The following OPCML variants were observed in gnomAD, a reference collection of about 807,000 sequenced individuals.
OPCML encodes opioid-binding protein/cell adhesion molecule.
In OPCML, 13 loss-of-function variants were observed where a neutral mutation model predicts 37.8. The ratio of observed to expected loss-of-function variants is 0.34; its 90% CI spans 0.22 to 0.55. OPCML has a LOEUF of 0.55. Among genes scored for constraint, OPCML ranks in the 20% least tolerant of loss-of-function variants. The pLI is 0.91. For synonymous variants in OPCML, 176 were observed against 168.8 expected (o/e 1.04, Z -0.33); for missense variants, 341 against 435.6 (o/e 0.78, Z 1.93).
chr11:132,589,221 C>A (rs1186086635), intron 3 of OPCML, among the ~76,000 whole-genome samples: 2 of 151,960 alleles, frequency 1.3e-5, no homozygotes, highest in African/African-American at 4.8e-5. Context: ...TGTTTTATAC[C>A]AAAACTCCCA....
chr11:133,022,485 T>G (rs1431158210), intron 1 of OPCML, among the ~76,000 whole-genome samples: 1 of 140,690 alleles, frequency 7.1e-6, no homozygotes, highest in African/African-American at 2.6e-5. Context: ...CCAATAGGTG[T>G]TTTTTTTTTT....
intron 4 of OPCML, among the ~76,000 whole-genome samples, chr11:132,484,695 T>G (rs2096193582): frequency 6.6e-6 from 1 of 152,026 alleles, no homozygotes; most frequent in Admixed American, 6.6e-5. Context: ...TAGACTGGAT[T>G]AAGAAAATGT....
chr11:132,530,550 A>C (rs1224134448), intron 3 of OPCML, among the ~76,000 whole-genome samples: 4 of 152,112 alleles, frequency 2.6e-5, no homozygotes, highest in Admixed American at 1.3e-4. Flanking sequence ...TTCACCCCAG[A>C]ATGGCCTACC....
intron 1 of OPCML, among the ~76,000 whole-genome samples, chr11:133,015,182 TGATA>T (rs897559053): frequency 3.9e-5 from 6 of 152,046 alleles, no homozygotes; most frequent in African/African-American, 1.4e-4. Context: ...ATAGATTGAT[TGATA>T]GAGTGATAGA....
chr11:133,391,362 G>A (rs1045048474), intron 1 of OPCML, among the ~76,000 whole-genome samples: 2 of 152,252 alleles, frequency 1.3e-5, no homozygotes, highest in African/African-American at 4.8e-5. Context: ...CAGCAGCTCT[G>A]GGCATCTTAC....
intron 3 of OPCML, among the ~76,000 whole-genome samples, chr11:132,605,590 TA>T (rs1565704337): frequency 6.6e-6 from 1 of 151,168 alleles, no homozygotes; most frequent in African/African-American, 2.4e-5. Flanking sequence ...TAAAAATAAA[TA>T]AAAAGGACAC....
intron 3 of OPCML, among the ~76,000 whole-genome samples, chr11:132,542,006 G>C (rs1165739260): frequency 6.6e-6 from 1 of 152,216 alleles, no homozygotes; most frequent in Non-Finnish European, 1.5e-5. Flanking sequence ...CAATGCAGGG[G>C]AAGTCCAGCA....
At chr11:133,530,185 C>T (rs980795619) in intron 1 of OPCML, among the ~76,000 whole-genome samples, 7 of 152,138 alleles carry the variant, frequency 4.6e-5, no homozygotes, top group Non-Finnish European at 7.3e-5. Flanking sequence ...TTCCCTCAGC[C>T]GGCTTTAGTT....
rs1331780704 is a variant in OPCML, at chr11:133,315,114, T to C, written c.61+217150A>G. 2.0e-5 allele frequency among the ~76,000 whole-genome samples: 3 copies of C among 152,214 alleles called. 1 individual carries two copies. Among genetic ancestry groups the C allele is most frequent in the Non-Finnish European group, 4.4e-5 (3 of 68,032 alleles). On this transcript the variant is annotated intron_variant, in intron 1 of 7. Coordinates refer to ENST00000524381, the MANE Select transcript of OPCML (RefSeq NM_001012393.5). ...ATTGAATTAGATGCATGTCTCTTAT[T>C]ATACATTTCTCTGGAACTTAGTATT...
At chr11:132,491,303 A>G (rs1349768381) in intron 4 of OPCML, among the ~76,000 whole-genome samples, 2 of 152,210 alleles carry the variant, frequency 1.3e-5, no homozygotes, top group African/African-American at 4.8e-5. Context: ...ATAAAATCCA[A>G]ACTCCTTACA....
chr11:133,273,086 G>C (rs764003413), intron 1 of OPCML, among the ~76,000 whole-genome samples: 20 of 152,278 alleles, frequency 1.3e-4, no homozygotes, highest in Admixed American at 6.5e-4. Context: ...TTCAAGGAGA[G>C]CTGGCAGAGC....
intron 4 of OPCML, among the ~76,000 whole-genome samples, chr11:132,471,619 C>A (rs574243642): frequency 2.6e-5 from 4 of 152,232 alleles, no homozygotes; most frequent in African/African-American, 7.2e-5. Flanking sequence ...CCTAATTATC[C>A]TCACAACAAA....
At chr11:133,112,285 C>A (rs1319894014) in intron 1 of OPCML, among the ~76,000 whole-genome samples, 6 of 49,134 alleles carry the variant, frequency 1.2e-4, no homozygotes, top group Non-Finnish European at 2.0e-4. Context: ...GACTCTTGGC[C>A]AAAAAAAAAA....
chr11:133,070,705 A>T (rs1948518626), intron 1 of OPCML, among the ~76,000 whole-genome samples: 1 of 152,190 alleles, frequency 6.6e-6, no homozygotes, highest in South Asian at 2.1e-4. Context: ...GTCTAAGCTA[A>T]TATTATAATT....
At chr11:132,479,442 T>G (rs1297093640) in intron 4 of OPCML, among the ~76,000 whole-genome samples, 2 of 152,156 alleles carry the variant, frequency 1.3e-5, no homozygotes, top group African/African-American at 4.8e-5. Context: ...GCAGCGAGGC[T>G]GGGGAAGGGG....
chr11:133,170,531 G>A (rs1304699844), intron 1 of OPCML, among the ~76,000 whole-genome samples: 1 of 149,336 alleles, frequency 6.7e-6, no homozygotes, highest in Non-Finnish European at 1.5e-5. Context: ...AAATCAAACT[G>A]GATAGGTCAT....
chr11:132,618,981 A>G (rs1295102627), intron 3 of OPCML, among the ~76,000 whole-genome samples: 3 of 150,698 alleles, frequency 2.0e-5, no homozygotes, highest in African/African-American at 7.4e-5. Context: ...ACACACACAC[A>G]CACACACACA....
chr11:132,690,662 G>A (rs892883484), intron 2 of OPCML, among the ~76,000 whole-genome samples: 5 of 152,170 alleles, frequency 3.3e-5, no homozygotes, highest in African/African-American at 1.2e-4. Flanking sequence ...TGGGATGTTT[G>A]AGTGTGTACG....
At chr11:132,807,456 C>G (rs566093059) in intron 2 of OPCML, among the ~76,000 whole-genome samples, 1 of 152,252 alleles carries the variant, frequency 6.6e-6, no homozygotes, top group South Asian at 2.1e-4. Flanking sequence ...GAAATGCATT[C>G]TATAAAAAAA....
Sources: allele counts gnomAD v4.1 joint callset (sites outside exome capture counted in the v4.1 genomes callset), GRCh38; gene constraint gnomAD v4.1.1; transcripts MANE v1.5; gene names NCBI Gene and HGNC (gene_info 2026-07-23, HGNC 2026-07-21).